MOCS1: variants seen among roughly 807,000 people sequenced by gnomAD.
MOCS1 encodes molybdenum cofactor synthesis 1.
Under a neutral mutation model 57.6 loss-of-function variants are expected in MOCS1, and 39 were observed. The observed-to-expected ratio is 0.68, with a 90% CI of 0.52 to 0.88. The LOEUF (loss-of-function observed/expected upper bound fraction) is 0.88, where lower values mean the gene tolerates loss of function less well. MOCS1 is among the 40% of genes least tolerant of loss of function. The probability of loss-of-function intolerance (pLI) is 0.00; values close to 1 mark genes in which losing one functional copy is unlikely to be tolerated. For missense variants in MOCS1, 795 were observed against 831.1 expected (o/e 0.96, Z 0.53); for synonymous variants, 334 against 335.7 (o/e 1.00, Z 0.05).
At chr6:39,922,909 C>A (rs1768056552) in intron 3 of MOCS1, among the ~76,000 whole-genome samples, 1 of 152,208 alleles carries the variant, frequency 6.6e-6, no homozygotes, top group South Asian at 2.1e-4. Flanking sequence ...TGTTCTCTCT[C>A]TTCCCCCATC....
chr6:39,927,556 C>G (rs768042351), intron 1 of MOCS1, 101 bp from the exon 2 acceptor site: 2 of 1,610,548 alleles, frequency 1.2e-6, no homozygotes, highest in African/African-American at 2.7e-5. Flanking sequence ...GACATCTGTG[C>G]GGAGCTTCCA....
chr6:39,917,924 A>G (rs912441653), intron 3 of MOCS1, among the ~76,000 whole-genome samples: 14 of 152,230 alleles, frequency 9.2e-5, no homozygotes, highest in Non-Finnish European at 1.5e-4. Flanking sequence ...GCTGGATACA[A>G]AAGATCAAAG....
At chr6:39,930,792 A>G (rs1768605527) in intron 1 of MOCS1, among the ~76,000 whole-genome samples, 1 of 152,220 alleles carries the variant, frequency 6.6e-6, no homozygotes. Context: ...GGTTCTGAGC[A>G]CAGGATTTGG....
rs541488840 is a variant in MOCS1, at chr6:39,905,207, G to A, written c.*1150C>T. 5.3e-5 allele frequency: 24 copies of A among 454,268 alleles called. No homozygotes were observed. Among genetic ancestry groups the A allele is most frequent in the South Asian group, 3.4e-4 (22 of 64,480 alleles). The allele number at this position is 454,268 out of a possible 1,614,324, so 28.1% of individuals were successfully genotyped here. A position where few individuals can be genotyped will look rare whatever the true frequency, so the allele number is the denominator to read the frequency against. ...TGTGTGTTTGGGATGTGAGAACCAG[G>A]AGCCTCTAATTAATTGCCCTCTCTG... On this transcript the variant is annotated 3_prime_UTR_variant, in exon 11 of 11. Transcript: ENST00000340692.
rs1265434567 is a variant in MOCS1, at chr6:39,904,645, C to A, written c.*1712G>T. On this transcript the variant is annotated 3_prime_UTR_variant, in exon 11 of 11. Coordinates refer to ENST00000340692, the MANE Select transcript of MOCS1 (RefSeq NM_001358530.2). ...GTGAATGGGGAAGGGTCTGTTCCAG[C>A]CTCTCCCTACTCCCATCCCATTTCC... 2.2e-6 allele frequency: 1 copy of A among 454,084 alleles called. No individual in the cohort carries two copies. The highest frequency in any genetic ancestry group is 7.0e-5 in the East Asian group (1 of 14,386). 28.1% of individuals were successfully genotyped at this position (454,084 alleles called of 1,614,324 possible). A position where few individuals can be genotyped will look rare whatever the true frequency, so the allele number is the denominator to read the frequency against.
chr6:39,933,654 G>A (rs73416810), intron 1 of MOCS1, among the ~76,000 whole-genome samples: 4,547 of 152,256 alleles, frequency 0.03, 240 homozygotes, highest in African/African-American at 0.1. Flanking sequence ...TCTGAGGGGT[G>A]CTGGCAAGGA....
Position 39,904,345 on chromosome 6 carries a change from A to G in MOCS1, c.*2012T>C, listed in dbSNP as rs1393520781. On this transcript the variant is annotated 3_prime_UTR_variant, in exon 11 of 11. Transcript: ENST00000340692. ...AGATGCCACTGTAGCCAGATCTCCA[A>G]CAGTGCCTTGGACCATGGACTCATA... is the stretch of plus-strand genomic sequence containing the variant. 5 of 456,570 alleles carry G rather than the reference A, an allele frequency of 1.1e-5. No individual in the cohort carries two copies. The highest frequency in any genetic ancestry group is 2.2e-5 in the Non-Finnish European group (5 of 226,968). The allele number at this position is 456,570 out of a possible 1,614,324, so 28.3% of individuals were successfully genotyped here.
Position 39,929,856 on chromosome 6 carries a change from C to T in MOCS1, c.124-2401G>A, listed in dbSNP as rs528567424. On this transcript the variant is annotated intron_variant, in intron 1 of 10. Transcript: ENST00000340692. Reference sequence around the variant, plus strand: ...ACTCGGGAGGCTGAGGCAAGAGAATCGCTTGAACCCAGAAGGCAGATGTGG... The same window carrying T: ...ACTCGGGAGGCTGAGGCAAGAGAATTGCTTGAACCCAGAAGGCAGATGTGG... Among the ~76,000 whole-genome samples the T allele has an allele frequency of 5.4e-5, 8 of 147,736 alleles. No homozygotes were observed. In the South Asian group the frequency reaches 1.7e-3, roughly 32 times the overall value.
chr6:39,915,047 T>C (rs1767578068), intron 4 of MOCS1, among the ~76,000 whole-genome samples: 1 of 152,174 alleles, frequency 6.6e-6, no homozygotes, highest in South Asian at 2.1e-4. Flanking sequence ...CTTGAAGCCC[T>C]CCTAGTTCTC....
chr6:39,907,600 T>C (rs1439648025), intron 10 of MOCS1, among the ~76,000 whole-genome samples: 1 of 152,174 alleles, frequency 6.6e-6, no homozygotes, highest in Non-Finnish European at 1.5e-5. Context: ...TAAGGGGAAT[T>C]TGTGATCTAC....
intron 9 of MOCS1, 76 bp downstream of exon 9, chr6:39,909,759 C>G: frequency 1.3e-6 from 2 of 1,595,634 alleles, no homozygotes; most frequent in Non-Finnish European, 1.7e-6. Context: ...GTCATCTCAC[C>G]CCACAACTCC....
rs756972656 is a variant in MOCS1, at chr6:39,906,845, G to T, written c.1423C>A (p.Pro475Thr). 7 of 1,614,206 alleles carry T rather than the reference G, an allele frequency of 4.3e-6. No homozygotes were observed. Among genetic ancestry groups the T allele is most frequent in the Non-Finnish European group, 5.9e-6 (7 of 1,180,042 alleles). ...GTTAGTTGTTCTGAGGTTAGCTGGG[G>T]TCCTGAGGGGGCAGCAGAAGCCCAG... The part of the protein sequence containing the change: ...GSWASAAPSG[P>T]QLTSEQLTHV... Residue 475 changes from proline to threonine, a missense_variant, in exon 11 of 11, where the codon CCC (proline) becomes ACC (threonine). Pro to Thr is a conservative substitution (Grantham distance 38). This residue lies in a region of MOCS1 where 374 missense variants were observed against 422.6 expected (regional missense o/e 0.89). Coordinates refer to ENST00000340692, the MANE Select transcript of MOCS1 (RefSeq NM_001358530.2).
At chr6:39,909,703 TG>T in intron 9 of MOCS1, 131 bp downstream of exon 9, 1 of 1,236,412 alleles carries the variant, frequency 8.1e-7, no homozygotes, top group Non-Finnish European at 1.2e-6. Flanking sequence ...TGAGTGGTAG[TG>T]GGGATGATGC....
chr6:39,930,742 C>G (rs979439868), intron 1 of MOCS1, among the ~76,000 whole-genome samples: 10 of 152,156 alleles, frequency 6.6e-5, no homozygotes, highest in Non-Finnish European at 1.5e-4. Context: ...CTAGTGACAC[C>G]AAGTGCCAGG....
Position 39,927,396 on chromosome 6 carries a change from G to A in MOCS1, c.183C>T (p.Leu61=), listed in dbSNP as rs1237647607. ...TGTGCTGCCGGCCGAAGCTGTCTGT[G>A]AGGAAGGCGGAGAAGGGGGCCGCAT... ...REHAAPFSAF[L]TDSFGRQHSY... The change falls in exon 2 of 11, where the codon CTC becomes CTT. Residue 61 remains leucine (L), a synonymous_variant. Transcript: ENST00000340692. The A allele has an allele frequency of 6.2e-7, 1 of 1,612,864 alleles. No homozygotes were observed. The highest frequency in any genetic ancestry group is 1.1e-5 in the South Asian group (1 of 91,068).
chr6:39,904,611 A>C lies in MOCS1; in HGVS notation c.*1746T>G, dbSNP rs1237802900. The C allele has an allele frequency of 2.2e-6, 1 of 454,004 alleles. No homozygotes were observed. The highest frequency in any genetic ancestry group is 2.0e-5 in the African/African-American group (1 of 49,970). The allele number at this position is 454,004 out of a possible 1,614,324, so 28.1% of individuals were successfully genotyped here. On this transcript the variant is annotated 3_prime_UTR_variant, in exon 11 of 11. Transcript: ENST00000340692. Reference sequence around the variant, plus strand: ...GTGTTTAGGGCAGTGGGAGGAGAAAATTCTCCAGGTGAATGGGGAAGGGTC... The same window carrying C: ...GTGTTTAGGGCAGTGGGAGGAGAAACTTCTCCAGGTGAATGGGGAAGGGTC...
rs57399668 is a variant in MOCS1, at chr6:39,905,153, A to AAGTT, written c.*1200_*1203dup. 1,356 of 454,436 alleles carry AAGTT rather than the reference A, an allele frequency of 3.0e-3. 2 individuals are homozygous for AAGTT. The highest frequency in any genetic ancestry group is 7.9e-3 in the Middle Eastern group (12 of 1,514). The allele number at this position is 454,436 out of a possible 1,614,324, so 28.2% of individuals were successfully genotyped here. A position where few individuals can be genotyped will look rare whatever the true frequency, so the allele number is the denominator to read the frequency against. On this transcript the variant is annotated 3_prime_UTR_variant, in exon 11 of 11. Coordinates refer to ENST00000340692, the MANE Select transcript of MOCS1 (RefSeq NM_001358530.2). ...CACCACTGAGGACTCAAAGACATCC[A>AAGTT]AGTTAGAGAGCCCAGCAGGCCAGAA...
At chr6:39,925,610 A>G (rs1428641243) in intron 3 of MOCS1, 68 bp downstream of exon 3, 3 of 1,583,894 alleles carry the variant, frequency 1.9e-6, no homozygotes, top group Non-Finnish European at 2.6e-6. Context: ...CACTGTTAAC[A>G]TCGGCATCAG....
intron 5 of MOCS1, 88 bp downstream of exon 5, chr6:39,913,686 G>A: frequency 7.1e-7 from 1 of 1,417,476 alleles, no homozygotes; most frequent in Non-Finnish European, 1.0e-6. Flanking sequence ...CAGAGCTGAG[G>A]GCTCTCAAGT....
Sources: allele counts gnomAD v4.1 joint callset (sites outside exome capture counted in the v4.1 genomes callset), GRCh38; gene constraint gnomAD v4.1.1; regional missense constraint gnomAD v4.1.1; transcripts MANE v1.5; gene names NCBI Gene and HGNC (gene_info 2026-07-23, HGNC 2026-07-21).